Variants in NBAS observed in about 807,000 individuals in gnomAD.
NBAS encodes the protein NAG/BC035112 fusion.
Under a neutral mutation model 302.5 loss-of-function variants are expected in NBAS, and 219 were observed. The ratio of observed to expected loss-of-function variants is 0.72; its 90% confidence interval spans 0.65 to 0.81. The LOEUF (loss-of-function observed/expected upper bound fraction) is 0.81. NBAS is among the 30% of genes least tolerant of loss of function. The probability of loss-of-function intolerance (pLI) is 0.00; values close to 1 mark genes in which losing one functional copy is unlikely to be tolerated. For synonymous variants in NBAS, 1,118 were observed against 1,021.6 expected (o/e 1.09, Z -1.80); for missense variants, 2,932 against 2,841.6 (o/e 1.03, Z -0.72).
intron 28 of NBAS, among the ~76,000 whole-genome samples, chr2:15,392,522 A>G (rs910971134): frequency 1.3e-5 from 2 of 152,076 alleles, no homozygotes; most frequent in Non-Finnish European, 2.9e-5. Context: ...AATTCCCTTT[A>G]CAATAGGACC....
intron 38 of NBAS, among the ~76,000 whole-genome samples, chr2:15,318,329 C>T (rs1671615107): frequency 6.6e-6 from 1 of 152,204 alleles, no homozygotes; most frequent in Non-Finnish European, 1.5e-5. Context: ...TAGGAAGAAA[C>T]TCCATCAATT....
chr2:14,847,768 T>C, the NBAS span, among the ~76,000 whole-genome samples: 5 of 152,218 alleles, frequency 3.3e-5, no homozygotes, highest in African/African-American at 7.2e-5. Context: ...TAATCTGCAC[T>C]ATACAGCAAT....
At chr2:15,078,322 A>T in the NBAS span, among the ~76,000 whole-genome samples, 524 of 152,324 alleles carry the variant, frequency 3.4e-3, 5 homozygotes, top group African/African-American at 0.012. Flanking sequence ...TATTATAAAC[A>T]TAATGGGCAT....
intron 25 of NBAS, among the ~76,000 whole-genome samples, chr2:15,403,271 G>A (rs1676240385): frequency 6.6e-6 from 1 of 152,078 alleles, no homozygotes; most frequent in Non-Finnish European, 1.5e-5. Flanking sequence ...CACATCAATG[G>A]ACGTAAAAAA....
the NBAS span, among the ~76,000 whole-genome samples, chr2:14,792,830 C>T: frequency 6.6e-6 from 1 of 152,080 alleles, no homozygotes; most frequent in African/African-American, 2.4e-5. Context: ...AAAGATACAT[C>T]ATCAGATGTT....
chr2:15,144,671 A>G, the NBAS span, among the ~76,000 whole-genome samples: 6 of 152,196 alleles, frequency 3.9e-5, no homozygotes, highest in African/African-American at 1.4e-4. Flanking sequence ...TTGCATATCT[A>G]TCCTCTAAAA....
At chr2:15,453,097 C>T (rs373600767) in intron 21 of NBAS, among the ~76,000 whole-genome samples, 4 of 152,218 alleles carry the variant, frequency 2.6e-5, no homozygotes, top group African/African-American at 9.6e-5. Flanking sequence ...GAAAAGAATG[C>T]CAGACTTCTT....
the NBAS span, among the ~76,000 whole-genome samples, chr2:15,007,905 G>A: frequency 6.6e-5 from 10 of 152,194 alleles, no homozygotes; most frequent in African/African-American, 2.2e-4. Flanking sequence ...TCCTAGCTCT[G>A]TAAAATGCAG....
chr2:15,007,059 A>G, the NBAS span, among the ~76,000 whole-genome samples: 5 of 152,358 alleles, frequency 3.3e-5, no homozygotes, highest in African/African-American at 9.6e-5. Context: ...TAACCACCCC[A>G]GGGGACCTTG....
At chr2:14,885,589 C>T in the NBAS span, among the ~76,000 whole-genome samples, 13 of 152,064 alleles carry the variant, frequency 8.5e-5, no homozygotes, top group Admixed American at 2.6e-4. Flanking sequence ...GATCCACATG[C>T]GGATGGAATT....
At chr2:15,198,721 T>C (rs1392815625) in intron 48 of NBAS, among the ~76,000 whole-genome samples, 6 of 152,236 alleles carry the variant, frequency 3.9e-5, no homozygotes, top group African/African-American at 2.4e-5. Flanking sequence ...ATGATTAATA[T>C]ACATTTCTTG....
the NBAS span, among the ~76,000 whole-genome samples, chr2:14,811,480 C>T: frequency 6.6e-6 from 1 of 152,054 alleles, no homozygotes; most frequent in South Asian, 2.1e-4. Context: ...GTGATTCTGC[C>T]TCTCCATTCC....
chr2:14,877,561 A>T, the NBAS span, among the ~76,000 whole-genome samples: 2 of 152,306 alleles, frequency 1.3e-5, no homozygotes, highest in East Asian at 1.9e-4. Context: ...TTCAAGCAAC[A>T]TGGGTGCACC....
At chr2:15,300,348 AT>A (rs1389424426) in intron 40 of NBAS, among the ~76,000 whole-genome samples, 1 of 152,206 alleles carries the variant, frequency 6.6e-6, no homozygotes, top group African/African-American at 2.4e-5. Flanking sequence ...AACCACTTTG[AT>A]TTCAATTTCC....
intron 47 of NBAS, among the ~76,000 whole-genome samples, chr2:15,219,303 AT>A (rs149822429): frequency 0.11 from 15,295 of 143,936 alleles, 1,585 homozygotes; most frequent in African/African-American, 0.27. Context: ...CATTCTAGTA[AT>A]TTTTTTTTTT....
the NBAS span, among the ~76,000 whole-genome samples, chr2:14,893,937 TA>T: frequency 2.0e-5 from 3 of 152,352 alleles, no homozygotes; most frequent in Non-Finnish European, 2.9e-5. Flanking sequence ...ATCACTTTAG[TA>T]AAATCTATTC....
the NBAS span, among the ~76,000 whole-genome samples, chr2:14,780,182 C>T: frequency 1.3e-5 from 2 of 152,198 alleles, no homozygotes. Flanking sequence ...ATAATAGTAG[C>T]TTCCTCCTGG....
intron 44 of NBAS, among the ~76,000 whole-genome samples, chr2:15,272,226 G>C (rs1231318592): frequency 6.6e-6 from 1 of 152,148 alleles, no homozygotes; most frequent in Non-Finnish European, 1.5e-5. Flanking sequence ...TATTGTTCTT[G>C]TTATGCACTC....
chr2:14,832,933 G>T, the NBAS span, among the ~76,000 whole-genome samples: 19 of 152,188 alleles, frequency 1.2e-4, no homozygotes, highest in African/African-American at 4.1e-4. Flanking sequence ...CCATAACCTC[G>T]TTGGATAGTT....
Sources: gnomAD v4.1 joint callset for allele counts (sites outside exome capture counted in the v4.1 genomes callset) on GRCh38, gnomAD v4.1.1 for gene constraint, MANE v1.5 for transcripts, NCBI Gene and HGNC (gene_info 2026-07-23, HGNC 2026-07-21) for gene names.